Variants in USH2A observed in about 807,000 individuals in gnomAD.
USH2A encodes the protein Usher syndrome 2A (autosomal recessive, mild).
Under a neutral mutation model 538.9 loss-of-function variants are expected in USH2A, and 443 were observed. That is an observed-to-expected ratio of 0.82 (90% CI 0.76 to 0.89). The LOEUF (loss-of-function observed/expected upper bound fraction) is 0.89. Among genes scored for constraint, USH2A ranks in the 40% least tolerant of loss-of-function variants. The pLI, the probability that USH2A is intolerant of heterozygous loss-of-function variation, is 0.00. For missense variants in USH2A, 6,633 were observed against 6,324.8 expected (o/e 1.05, Z -1.65); for synonymous variants, 2,413 against 2,273.5 (o/e 1.06, Z -1.75).
At chr1:215,992,669 G>A (rs1390415340) in intron 35 of USH2A, among the ~76,000 whole-genome samples, 1 of 152,110 alleles carries the variant, frequency 6.6e-6, no homozygotes, top group Non-Finnish European at 1.5e-5. Flanking sequence ...CTTCGCCAAG[G>A]AAGAACTAAT....
At chr1:216,290,457 G>T (rs918843740) in intron 10 of USH2A, among the ~76,000 whole-genome samples, 19 of 152,100 alleles carry the variant, frequency 1.2e-4, no homozygotes, top group Middle Eastern at 3.4e-3. Context: ...ACCAAATACT[G>T]TGCTAAGTGC....
rs555660412 is a variant in USH2A, at chr1:216,115,035, T to C, written c.4628-17822A>G. On this transcript the variant is annotated intron_variant, in intron 21 of 71. Transcript: ENST00000307340. Reference sequence around the variant, plus strand: ...AGAGAGAGCTCTATCTATGTAGATATAGGCATCTATGTATCTTTCCATCCC... The same window carrying C: ...AGAGAGAGCTCTATCTATGTAGATACAGGCATCTATGTATCTTTCCATCCC... Among the ~76,000 whole-genome samples the C allele has an allele frequency of 1.1e-4, 16 of 152,286 alleles. 1 individual carries two copies. Among genetic ancestry groups the C allele is most frequent in the African/African-American group, 3.1e-4 (13 of 41,574 alleles).
chr1:216,069,907 C>A (rs1445644397), intron 30 of USH2A, among the ~76,000 whole-genome samples, 194 bp downstream of exon 30: 1 of 152,104 alleles, frequency 6.6e-6, no homozygotes, highest in Non-Finnish European at 1.5e-5. Flanking sequence ...AGAGCCCATG[C>A]GCATTGTAGA....
intron 49 of USH2A, among the ~76,000 whole-genome samples, chr1:215,805,429 T>C (rs1200049190): frequency 6.6e-6 from 1 of 152,016 alleles, no homozygotes; most frequent in East Asian, 1.9e-4. Flanking sequence ...GGGTTGAAGA[T>C]AACAGGGAGT....
intron 32 of USH2A, among the ~76,000 whole-genome samples, chr1:216,026,824 A>G (rs529857319): frequency 6.6e-6 from 1 of 152,310 alleles, no homozygotes; most frequent in African/African-American, 2.4e-5. Context: ...CTGTTAAACC[A>G]CATATGTCTA....
At chr1:216,014,172 A>G (rs373342270) in intron 32 of USH2A, among the ~76,000 whole-genome samples, 315 of 152,296 alleles carry the variant, frequency 2.1e-3, no homozygotes, top group African/African-American at 7.4e-3. Context: ...TTGGTAAAAC[A>G]GGAGGAAATG....
chr1:215,785,665 T>A (rs1449781902), intron 52 of USH2A, among the ~76,000 whole-genome samples: 2 of 152,100 alleles, frequency 1.3e-5, no homozygotes, highest in Non-Finnish European at 2.9e-5. Flanking sequence ...AATAAAAAAA[T>A]TAAAGTACCT....
At chr1:215,777,735 A>AT (rs1324350621) in intron 55 of USH2A, among the ~76,000 whole-genome samples, 2 of 152,194 alleles carry the variant, frequency 1.3e-5, no homozygotes, top group Admixed American at 1.3e-4. Flanking sequence ...CTGGCAATTC[A>AT]TTTTTGGGAG....
chr1:215,689,800 T>C (rs981921756), intron 61 of USH2A, among the ~76,000 whole-genome samples: 2 of 152,142 alleles, frequency 1.3e-5, no homozygotes, highest in African/African-American at 4.8e-5. Context: ...TGGAAGTAAA[T>C]GTTTCTCCAT....
chr1:216,360,646 T>C (rs2038474728), intron 4 of USH2A, among the ~76,000 whole-genome samples: 1 of 151,892 alleles, frequency 6.6e-6, no homozygotes, highest in Admixed American at 6.6e-5. Flanking sequence ...GAGCAGAGAG[T>C]ATACTGGAAC....
chr1:215,844,308 T>C lies in USH2A; in HGVS notation c.9244A>G (p.Ile3082Val), dbSNP rs527689947. ...AATGTTCTAACCTGAATGTCATAGA[T>C]AGTGAAGGGAGACAGGTCTCTCAGA... ...FILRDLSPFT[I>V]YDIQVEVCTI... is the part of the protein sequence containing the mutation. Residue 3082 changes from isoleucine (I) to valine (V), a missense_variant, in exon 46 of 72, where the codon ATC (isoleucine) becomes GTC (valine). Transcript: ENST00000307340. 65 of 1,613,582 alleles carry C rather than the reference T, an allele frequency of 4.0e-5. No homozygotes were observed. In the East Asian group the frequency reaches 6.7e-4, roughly 17 times the overall value.
At chr1:216,196,047 A>G (rs1320840791) in intron 19 of USH2A, 1 of 175,024 alleles carries the variant, frequency 5.7e-6, no homozygotes, top group African/African-American at 2.4e-5. Flanking sequence ...ATGACTGTAT[A>G]TTCAAAACTT....
chr1:216,286,788 A>G (rs2036895119), intron 11 of USH2A, among the ~76,000 whole-genome samples: 1 of 152,078 alleles, frequency 6.6e-6, no homozygotes, highest in Non-Finnish European at 1.5e-5. Flanking sequence ...TGTCTTGGGT[A>G]TTTCTTCCCA....
chr1:215,853,598 A>T (rs1316979363), intron 44 of USH2A, among the ~76,000 whole-genome samples: 1 of 152,140 alleles, frequency 6.6e-6, no homozygotes, highest in African/African-American at 2.4e-5. Flanking sequence ...CTGAACTTTT[A>T]TGCTCTGCTT....
intron 42 of USH2A, among the ~76,000 whole-genome samples, chr1:215,878,174 T>C (rs1303606001): frequency 6.6e-6 from 1 of 152,168 alleles, no homozygotes; most frequent in East Asian, 1.9e-4. Context: ...TTACTGCCAG[T>C]TTCGCACAAA....
In USH2A at chr1:215,779,661, C is replaced by T. The variant is rs7513974; in HGVS notation, c.10939+182G>A. Among the ~76,000 whole-genome samples the T allele has an allele frequency of 0.021, 3,254 of 152,240 alleles. 104 individuals carry two copies. The highest frequency in any genetic ancestry group is 0.074 in the African/African-American group (3,086 of 41,528). ...TTTCTGAAGTTATCTGCTGTTGTGG[C>T]GTATTGCTGCCAGTGTGGGCTCTTC... On this transcript the variant is annotated intron_variant, in intron 55 of 71. Coordinates refer to ENST00000307340, the MANE Select transcript of USH2A (RefSeq NM_206933.4).
At chr1:215,955,744 A>G (rs543261981) in intron 37 of USH2A, among the ~76,000 whole-genome samples, 1 of 152,278 alleles carries the variant, frequency 6.6e-6, no homozygotes, top group South Asian at 2.1e-4. Flanking sequence ...GTAAAGTAAC[A>G]CATTGATTAT....
At chr1:216,363,220 A>C (rs976333107) in intron 4 of USH2A, among the ~76,000 whole-genome samples, 8 of 152,112 alleles carry the variant, frequency 5.3e-5, no homozygotes, top group African/African-American at 1.9e-4. Context: ...TGTGCTTAGC[A>C]CTTCATCCAT....
intron 11 of USH2A, among the ~76,000 whole-genome samples, chr1:216,277,330 T>C (rs1283081431): frequency 6.6e-6 from 1 of 152,094 alleles, no homozygotes; most frequent in East Asian, 1.9e-4. Flanking sequence ...CTTTTAACCT[T>C]GCACACAAGC....
Sources: gnomAD v4.1 joint callset for allele counts (sites outside exome capture counted in the v4.1 genomes callset) on GRCh38, gnomAD v4.1.1 for gene constraint, MANE v1.5 for transcripts, NCBI Gene and HGNC (gene_info 2026-07-23, HGNC 2026-07-21) for gene names.